Variants in CCDC82 observed in about 807,000 individuals in gnomAD.
CCDC82 encodes the protein coiled-coil domain-containing protein 82.
CCDC82 carries 47 observed loss-of-function variants against 60.6 expected under a neutral mutation model. That is an observed-to-expected ratio of 0.77 (90% CI 0.61 to 0.99). CCDC82 has a LOEUF of 0.99. CCDC82 is among the 50% of genes least tolerant of loss of function. The probability of loss-of-function intolerance (pLI) is 0.00; values close to 1 mark genes in which losing one functional copy is unlikely to be tolerated. For missense variants in CCDC82, 588 were observed against 633.0 expected, an observed-to-expected ratio of 0.93 and a Z score of 0.76; for synonymous variants, 212 against 207.4, an observed-to-expected ratio of 1.02 and a Z score of -0.19.
At chr11:96,385,486 T>TCAAGCGAGGAA in intron 3 of CCDC82, 1 of 152,344 alleles carries the variant, frequency 6.6e-6, no homozygotes. Flanking sequence ...AAGAAAGTTA[T>TCAAGCGAGGAA]AAAGTAACAA....
At chr11:96,362,069 A>ATTGGAAATGGAGCTAAAAG (rs1464110379) in intron 8 of CCDC82, among the ~76,000 whole-genome samples, 3 of 152,210 alleles carry the variant, frequency 2.0e-5, no homozygotes, top group African/African-American at 7.2e-5. Context: ...GGAGCTAAAA[A>ATTGGAAATGGAGCTAAAAG]TTGTCACTGA....
At position 96,383,461 on chromosome 11, in the gene CCDC82, C is replaced by G. The variant is rs527967916; in HGVS notation, c.799G>C (p.Glu267Gln). The G allele has an allele frequency of 3.3e-5, 52 of 1,599,620 alleles. No individual in the cohort carries two copies. The East Asian group carries it at 9.4e-4, about 29-fold the overall frequency. ...ACTTCATCACTGCTTGGGCAAGATTCCTTTTCAGAGTCCTAATTAAATTAA... is the reference window on the plus strand; with the variant it reads ...ACTTCATCACTGCTTGGGCAAGATTGCTTTTCAGAGTCCTAATTAAATTAA... ...SGRDFEDSEKESCPSSDEVDE... is the reference protein window; with the variant it reads ...SGRDFEDSEKQSCPSSDEVDE... Residue 267 changes from glutamate (E) to glutamine (Q), a missense_variant, in exon 5 of 10, where the codon GAA (glutamate) becomes CAA (glutamine). Physicochemically the swap from Glu to Gln is conservative, Grantham distance 29 (BLOSUM62 2). Transcript: ENST00000646818.
chr11:96,366,050 C>A (rs1035013315), intron 7 of CCDC82, among the ~76,000 whole-genome samples: 1 of 152,164 alleles, frequency 6.6e-6, no homozygotes, highest in Admixed American at 6.5e-5. Context: ...CACTTTATGA[C>A]ATGTATTACT....
At position 96,352,869 on chromosome 11, in the gene CCDC82, T is replaced by C. The variant is rs962557812; in HGVS notation, c.*777A>G. 6.6e-6 allele frequency: 1 copy of C among 152,240 alleles called. No individual in the cohort carries two copies. The highest frequency in any genetic ancestry group is 2.4e-5 in the African/African-American group (1 of 41,466). The allele number at this position is 152,240 out of a possible 1,614,324, so 9.4% of individuals were successfully genotyped here. ...AATATGCTTTCCAAGTGTTTTTGGC[T>C]GAGTTTGTCTCTTTCAGCAGTTCTG... is the stretch of plus-strand genomic sequence containing the variant. On this transcript the variant is annotated 3_prime_UTR_variant, in exon 10 of 10. Coordinates refer to ENST00000646818, the MANE Select transcript of CCDC82 (RefSeq NM_024725.4).
At chr11:96,386,347 T>C (rs1462848791) in intron 2 of CCDC82, 54 bp from the exon 3 acceptor site, 31 of 152,252 alleles carry the variant, frequency 2.0e-4, no homozygotes, top group Non-Finnish European at 1.8e-4. Flanking sequence ...AATTCTGGTA[T>C]GTTTATACGG....
At chr11:96,361,891 A>C (rs532574351) in intron 8 of CCDC82, among the ~76,000 whole-genome samples, 7 of 152,354 alleles carry the variant, frequency 4.6e-5, no homozygotes, top group African/African-American at 1.7e-4. Flanking sequence ...AGAGAAAAAT[A>C]GGTGCTGTGG....
At chr11:96,365,234 G>A (rs1814221386) in intron 7 of CCDC82, 84 bp from the exon 8 acceptor site, 2 of 882,084 alleles carry the variant, frequency 2.3e-6, no homozygotes, top group Non-Finnish European at 3.3e-6. Flanking sequence ...AACATCTTAG[G>A]GATTACAATA....
chr11:96,360,748 C>T (rs1247293001), intron 8 of CCDC82, among the ~76,000 whole-genome samples: 1 of 152,164 alleles, frequency 6.6e-6, no homozygotes, highest in African/African-American at 2.4e-5. Context: ...CCTGAGGCCA[C>T]ACTGCAAGGA....
intron 5 of CCDC82, among the ~76,000 whole-genome samples, chr11:96,377,812 A>G (rs1184950180): frequency 2.0e-5 from 3 of 152,038 alleles, no homozygotes; most frequent in Non-Finnish European, 4.4e-5. Context: ...TTGCAAAACT[A>G]TTTTCATCAA....
At chr11:96,382,851 C>A (rs1400124169) in intron 5 of CCDC82, 1 of 155,074 alleles carries the variant, frequency 6.4e-6, no homozygotes, top group Non-Finnish European at 1.4e-5. Flanking sequence ...TAGCTGGCTT[C>A]TATAAGCTAG....
rs544708836 is a variant in CCDC82, at chr11:96,379,228, T to C, written c.991+4041A>G. Among the ~76,000 whole-genome samples the C allele has an allele frequency of 3.3e-5, 5 of 152,076 alleles. No individual in the cohort carries two copies. In the East Asian group the frequency reaches 5.8e-4, roughly 18 times the overall value. On this transcript the variant is annotated intron_variant, in intron 5 of 9. Coordinates refer to ENST00000646818, the MANE Select transcript of CCDC82 (RefSeq NM_024725.4). ...ATTTTCAAATGCAATTTTTAGAACA[T>C]AATTCCCTGGCAAATTGAAAACTGT...
chr11:96,358,929 C>T, intron 9 of CCDC82, 64 bp downstream of exon 9: 1 of 1,332,302 alleles, frequency 7.5e-7, no homozygotes, highest in Non-Finnish European at 1.0e-6. Context: ...TCATTTGTTT[C>T]CTTTTGCTGA....
chr11:96,357,635 G>GTATA (rs1288326733), intron 9 of CCDC82: 1 of 982,702 alleles, frequency 1.0e-6, no homozygotes. Context: ...AACATATACA[G>GTATA]TATATGCACA....
chr11:96,387,810 T>C (rs955110490), intron 1 of CCDC82, 197 bp from the exon 2 acceptor site: 3 of 152,356 alleles, frequency 2.0e-5, no homozygotes, highest in African/African-American at 2.4e-5. Flanking sequence ...TGTAAATTAT[T>C]ATCCACCAGG....
intron 1 of CCDC82, 85 bp from the exon 2 acceptor site, chr11:96,387,698 G>C (rs1341503638): frequency 6.6e-6 from 1 of 152,130 alleles, no homozygotes; most frequent in Non-Finnish European, 1.5e-5. Flanking sequence ...CTGTATTTTA[G>C]TTTCAGAAAA....
chr11:96,368,591 G>C (rs1333169151), intron 7 of CCDC82, among the ~76,000 whole-genome samples: 1 of 152,152 alleles, frequency 6.6e-6, no homozygotes, highest in Non-Finnish European at 1.5e-5. Flanking sequence ...GGTAGGCTGG[G>C]TGCAGTGGCT....
chr11:96,365,071 T>C lies in CCDC82; in HGVS notation c.1289A>G (p.His430Arg). The change falls in exon 8 of 10, where the codon CAT becomes CGT. Residue 430 changes from histidine to arginine, a missense_variant. Transcript: ENST00000646818. ...ENCSCQACGL[H>R]RYCKYSVHLS... is the part of the protein sequence containing the mutation. ...ATGCACTGAATATTTACAGTAGCGATGCAGTCCACAAGCCTGGCAGGAACA... is the reference window on the plus strand; with the variant it reads ...ATGCACTGAATATTTACAGTAGCGACGCAGTCCACAAGCCTGGCAGGAACA... The C allele has an allele frequency of 6.2e-7, 1 of 1,609,986 alleles. No homozygotes were observed. Among genetic ancestry groups the C allele is most frequent in the Non-Finnish European group, 8.5e-7 (1 of 1,177,850 alleles).
At chr11:96,379,539 A>G (rs1265973108) in intron 5 of CCDC82, among the ~76,000 whole-genome samples, 1 of 151,766 alleles carries the variant, frequency 6.6e-6, no homozygotes, top group Admixed American at 6.6e-5. Context: ...CTGGTTAACT[A>G]TTTAGGTTTT....
chr11:96,382,408 G>A (rs1865922837), intron 5 of CCDC82: 1 of 151,668 alleles, frequency 6.6e-6, no homozygotes, highest in Admixed American at 6.6e-5. Context: ...CTCAATACCT[G>A]AGAAATATTC....
Sources: gnomAD v4.1 joint callset for allele counts (sites outside exome capture counted in the v4.1 genomes callset) on GRCh38, gnomAD v4.1.1 for gene constraint, MANE v1.5 for transcripts, NCBI Gene and HGNC (gene_info 2026-07-23, HGNC 2026-07-21) for gene names.